DST: variants seen among roughly 807,000 people sequenced by gnomAD.
DST encodes the protein bullous pemphigoid antigen.
DST carries 253 observed loss-of-function variants against 875.2 expected under a neutral mutation model. The observed-to-expected ratio is 0.29, with a 90% CI of 0.26 to 0.32. The LOEUF is 0.32. Ranked by LOEUF, DST falls within the 10% of genes least tolerant of loss-of-function variation. DST has a pLI of 1.00. For missense variants in DST, 8,287 were observed against 9,111.6 expected (o/e 0.91, Z 3.68); for synonymous variants, 3,124 against 3,197.1 (o/e 0.98, Z 0.77).
At chr6:56,862,459 A>C (rs537468102) in intron 3 of DST, among the ~76,000 whole-genome samples, 2 of 152,182 alleles carry the variant, frequency 1.3e-5, no homozygotes, top group Admixed American at 1.3e-4. Flanking sequence ...GAGAGCATCA[A>C]GTGGAAGTGG....
intron 4 of DST, among the ~76,000 whole-genome samples, chr6:56,772,374 T>C (rs1248580527): frequency 6.6e-6 from 1 of 152,178 alleles, no homozygotes; most frequent in Non-Finnish European, 1.5e-5. Flanking sequence ...GTGATGATAC[T>C]GCCCATACTA....
chr6:56,629,229 T>C, intron 32 of DST, 21 bp downstream of exon 32: 1 of 1,612,778 alleles, frequency 6.2e-7, no homozygotes, highest in Non-Finnish European at 8.5e-7. Context: ...GTGCTAAAAC[T>C]GAACAAAAAA....
rs142838653 is a variant in DST, at chr6:56,574,398, G to C, written c.13028-511C>G. Among the ~76,000 whole-genome samples, 423 of 152,068 alleles carry C rather than the reference G, an allele frequency of 2.8e-3. 2 individuals carry two copies. The highest frequency in any genetic ancestry group is 5.3e-3 in the Non-Finnish European group (359 of 67,982). Reference sequence around the variant, plus strand: ...CCCTATCTCCCTCCTTCATACACACGCATGCTAAGCTTTTGTCATACTTCA... The same window carrying C: ...CCCTATCTCCCTCCTTCATACACACCCATGCTAAGCTTTTGTCATACTTCA... On this transcript the variant is annotated intron_variant, in intron 50 of 103. Coordinates refer to ENST00000680361, the MANE Select transcript of DST (RefSeq NM_001374736.1).
rs1178377873 is a variant in DST at position 56,578,854 on chromosome 6, T to A, written c.12987A>T (p.Gly4329=). The change falls in exon 50 of 104, where the codon GGA becomes GGT. Residue 4329 remains glycine (G), a synonymous_variant. Coordinates refer to ENST00000680361, the MANE Select transcript of DST (RefSeq NM_001374736.1). ...KTAEVLLDAR[G]SLLPAKNDIQ... ...TATCATTCTTGGCTGGAAGTAAAGATCCCCTGGCATCTAAAAGCACTTCAG... is the reference window on the plus strand; with the variant it reads ...TATCATTCTTGGCTGGAAGTAAAGAACCCCTGGCATCTAAAAGCACTTCAG... 6.2e-6 allele frequency: 10 copies of A among 1,611,460 alleles called. No individual in the cohort carries two copies. Among genetic ancestry groups the A allele is most frequent in the Non-Finnish European group, 8.5e-6 (10 of 1,178,882 alleles).
At chr6:56,676,317 C>T (rs2099129776) in intron 9 of DST, among the ~76,000 whole-genome samples, 1 of 152,208 alleles carries the variant, frequency 6.6e-6, no homozygotes, top group African/African-American at 2.4e-5. Context: ...ATCTACCTGC[C>T]TCAGCTGCCC....
At chr6:56,593,380 G>C (rs531307108) in intron 48 of DST, among the ~76,000 whole-genome samples, 11 of 151,886 alleles carry the variant, frequency 7.2e-5, no homozygotes, top group Non-Finnish European at 1.2e-4. Context: ...AGACGGGCGT[G>C]GGGGTACATG....
In DST at chr6:56,506,485, C is replaced by A; in HGVS notation, c.19422G>T (p.Glu6474Asp). 6.2e-7 allele frequency: 1 copy of A among 1,613,198 alleles called. No individual in the cohort carries two copies. Among genetic ancestry groups the A allele is most frequent in the Non-Finnish European group, 8.5e-7 (1 of 1,179,560 alleles). Residue 6474 changes from glutamate (E) to aspartate (D), a missense_variant, in exon 77 of 104, where the codon GAG becomes GAT. Transcript: ENST00000680361. Reference sequence around the variant, plus strand: ...ACTGAACGGCAGCCTGCATTGCCTCCTCAAGTTTGTCAATCCGGTCTTTCC... The same window carrying A: ...ACTGAACGGCAGCCTGCATTGCCTCATCAAGTTTGTCAATCCGGTCTTTCC... ...KAWKDRIDKL[E>D]EAMQAAVQYQ...
chr6:56,467,141 G>A (rs539300750), intron 98 of DST: 5 of 152,056 alleles, frequency 3.3e-5, no homozygotes, highest in Non-Finnish European at 7.4e-5. Context: ...TGAATTTCAC[G>A]GTTGTCATCC....
Position 56,900,451 on chromosome 6 carries a change from G to A in DST, c.387C>T (p.His129=), listed in dbSNP as rs1793553133. The change falls in exon 3 of 104, where the codon CAC becomes CAT. Residue 129 remains histidine (H), a synonymous_variant. Transcript: ENST00000680361. ...KSSRVQPEFY[H]SVQGASIRRP... is the part of the protein sequence containing the mutation. ...TCCTGATTGAAGCACCTTGAACAGAGTGATAAAATTCTGGCTGGACTCGGC... is the reference window on the plus strand; with the variant it reads ...TCCTGATTGAAGCACCTTGAACAGAATGATAAAATTCTGGCTGGACTCGGC... The A allele has an allele frequency of 4.4e-6, 6 of 1,367,602 alleles. No individual in the cohort carries two copies. Among genetic ancestry groups the A allele is most frequent in the Non-Finnish European group, 5.9e-6 (6 of 1,021,868 alleles). The allele number at this position is 1,367,602 out of a possible 1,614,324, so 84.7% of individuals were successfully genotyped here.
Position 56,468,949 on chromosome 6 carries a change from A to G in DST, c.22569+33T>C, listed in dbSNP as rs41271852. 19,173 of 1,549,656 alleles carry G rather than the reference A, an allele frequency of 0.012. 230 individuals carry two copies. Among genetic ancestry groups the G allele is most frequent in the Middle Eastern group, 0.074 (438 of 5,880 alleles). The stretch of plus-strand genomic sequence containing the variant: ...GAATTAAAGTTAAAAAAAAATCATC[A>G]GGAACTTGAGAATACATTCCACTGG... On this transcript the variant is annotated intron_variant, in intron 98 of 103. Coordinates refer to ENST00000680361, the MANE Select transcript of DST (RefSeq NM_001374736.1).
chr6:56,943,848 G>A (rs925158836), intron 2 of DST, among the ~76,000 whole-genome samples: 1 of 152,112 alleles, frequency 6.6e-6, no homozygotes, highest in East Asian at 1.9e-4. Context: ...CAGGCAGAGT[G>A]GCTCACGCAT....
At chr6:56,631,415 T>C (rs2152759639) in intron 29 of DST, 26 bp from the exon 30 acceptor site, 1 of 1,602,526 alleles carries the variant, frequency 6.2e-7, no homozygotes, top group Non-Finnish European at 8.5e-7. Flanking sequence ...CAAACAAAGG[T>C]ATCAGGCCAT....
Position 56,552,321 on chromosome 6 carries a change from T to C in DST, c.16471A>G (p.Ile5491Val), listed in dbSNP as rs754589018. Residue 5491 changes from isoleucine (I) to valine (V), a missense_variant, in exon 61 of 104, where the codon ATT (isoleucine) becomes GTT (valine). Transcript: ENST00000680361. Reference protein sequence around the residue: ...QAREEQVEGTIKRLEEFYSKL... With the variant: ...QAREEQVEGTVKRLEEFYSKL... ...CTGTAAAATTCTTCAAGGCGCTTAA[T>C]TGTCCCTTCAACCTGCTCTTCTCTG... The C allele has an allele frequency of 1.9e-5, 30 of 1,613,902 alleles. 1 individual carries two copies. The highest frequency in any genetic ancestry group is 3.3e-5 in the South Asian group (3 of 91,086).
Position 56,606,032 on chromosome 6 carries a change from A to T in DST, c.8596T>A (p.Cys2866Ser). ...TMILLDKMHSCSSLEKQQRVN... is the reference protein window; with the variant it reads ...TMILLDKMHSSSSLEKQQRVN... ...CTTTGCTGTTTTTCTAAAGAGCTAC[A>T]ACTGTGCATTTTATCCAGAAGAATC... Residue 2866 changes from cysteine to serine, a missense_variant, in exon 40 of 104, where the codon TGT becomes AGT. Transcript: ENST00000680361. The T allele has an allele frequency of 1.2e-6, 2 of 1,612,986 alleles. No homozygotes were observed. The highest frequency in any genetic ancestry group is 1.7e-6 in the Non-Finnish European group (2 of 1,179,228).
At chr6:56,635,857 C>A in intron 23 of DST, 143 bp from the exon 24 acceptor site, 1 of 847,026 alleles carries the variant, frequency 1.2e-6, no homozygotes, top group Non-Finnish European at 1.9e-6. Flanking sequence ...ATAGTCACAT[C>A]TTTCCTTGGA....
chr6:56,541,028 G>A (rs2097116795), intron 61 of DST: 1 of 152,538 alleles, frequency 6.6e-6, no homozygotes, highest in Non-Finnish European at 1.5e-5. Context: ...ATCCTCCTCC[G>A]AAGTGAGAGA....
chr6:56,625,362 T>A, intron 34 of DST, 98 bp from the exon 35 acceptor site: 1 of 799,062 alleles, frequency 1.3e-6, no homozygotes, highest in Non-Finnish European at 2.2e-6. Flanking sequence ...CTAGATTCAC[T>A]AAAATAACTT....
At chr6:56,819,412 C>T (rs10498812) in intron 4 of DST, among the ~76,000 whole-genome samples, 18,118 of 152,140 alleles carry the variant, frequency 0.12, 1,520 homozygotes, top group Non-Finnish European at 0.18. Flanking sequence ...ACAGAGATTT[C>T]TCATAATTTC....
intron 4 of DST, among the ~76,000 whole-genome samples, chr6:56,811,253 G>A (rs1054276736): frequency 1.4e-4 from 21 of 144,894 alleles, no homozygotes; most frequent in South Asian, 2.2e-4. Flanking sequence ...CCTGAGAGAC[G>A]AAGCAGGAAG....
Sources: gnomAD v4.1 joint callset for allele counts (sites outside exome capture counted in the v4.1 genomes callset) on GRCh38, gnomAD v4.1.1 for gene constraint, MANE v1.5 for transcripts, NCBI Gene and HGNC (gene_info 2026-07-23, HGNC 2026-07-21) for gene names.